The following CADM2 variants were observed in gnomAD, a reference collection of about 807,000 sequenced individuals.
CADM2 encodes the protein immunoglobulin superfamily member 4D.
CADM2 carries 12 observed loss-of-function variants against 49.8 expected under a neutral mutation model. The observed-to-expected ratio is 0.24, with a 90% CI of 0.15 to 0.39. The LOEUF (loss-of-function observed/expected upper bound fraction) is 0.39. CADM2 is among the 10% of genes least tolerant of loss of function. The pLI is 1.00. For synonymous variants in CADM2, 214 were observed against 175.4 expected (o/e 1.22, Z -1.74); for missense variants, 378 against 492.3 (o/e 0.77, Z 2.20).
At chr3:84,980,505 T>G (rs2032108013) in intron 1 of CADM2, among the ~76,000 whole-genome samples, 1 of 152,192 alleles carries the variant, frequency 6.6e-6, no homozygotes, top group African/African-American at 2.4e-5. Context: ...GGTGAGATTG[T>G]CTTCCAGTTT....
At chr3:85,774,830 T>C (rs916107047) in intron 2 of CADM2, among the ~76,000 whole-genome samples, 1 of 151,702 alleles carries the variant, frequency 6.6e-6, no homozygotes, top group Admixed American at 6.6e-5. Context: ...ACTCGGAAAG[T>C]AGCAGAGTGG....
chr3:85,986,443 T>C (rs1419077135), intron 8 of CADM2, among the ~76,000 whole-genome samples: 2 of 152,046 alleles, frequency 1.3e-5, no homozygotes, highest in African/African-American at 4.8e-5. Context: ...ATTATGAGTG[T>C]TTAGCTATTA....
At chr3:85,560,180 G>T (rs1461761976) in intron 1 of CADM2, among the ~76,000 whole-genome samples, 1 of 152,168 alleles carries the variant, frequency 6.6e-6, no homozygotes, top group Non-Finnish European at 1.5e-5. Context: ...TATGCCTGCG[G>T]TTGCTTTCAA....
intron 1 of CADM2, among the ~76,000 whole-genome samples, chr3:85,220,848 C>T (rs1445635778): frequency 1.3e-5 from 2 of 152,030 alleles, no homozygotes; most frequent in Non-Finnish European, 2.9e-5. Flanking sequence ...CACACATTTT[C>T]CTTTGGATAA....
At chr3:85,213,421 A>G (rs2041848535) in intron 1 of CADM2, among the ~76,000 whole-genome samples, 1 of 151,760 alleles carries the variant, frequency 6.6e-6, no homozygotes, top group Admixed American at 6.6e-5. Flanking sequence ...TAAGATTTCC[A>G]TTGAGAAGTC....
chr3:85,074,869 G>A (rs2036882846), intron 1 of CADM2, among the ~76,000 whole-genome samples: 1 of 151,260 alleles, frequency 6.6e-6, no homozygotes, highest in East Asian at 1.9e-4. Flanking sequence ...AATGGAATAA[G>A]TATCAACTTT....
intron 1 of CADM2, among the ~76,000 whole-genome samples, chr3:85,182,129 A>C (rs2040950920): frequency 6.6e-6 from 1 of 151,962 alleles, no homozygotes; most frequent in Admixed American, 6.6e-5. Context: ...GAAACACGAT[A>C]TATGCATAAC....
At chr3:85,064,012 T>C (rs2107453288) in intron 1 of CADM2, among the ~76,000 whole-genome samples, 1 of 152,212 alleles carries the variant, frequency 6.6e-6, no homozygotes, top group South Asian at 2.1e-4. Context: ...TCTCATGCTG[T>C]GTAGAGAAAT....
intron 1 of CADM2, among the ~76,000 whole-genome samples, chr3:85,195,542 GACACAC>G (rs71108270): frequency 2.2e-3 from 327 of 146,954 alleles, no homozygotes; most frequent in Middle Eastern, 3.5e-3. Flanking sequence ...AAACCAGCAA[GACACAC>G]ACACACACAC....
At chr3:85,702,732 A>G (rs952805442) in intron 1 of CADM2, among the ~76,000 whole-genome samples, 23 of 152,316 alleles carry the variant, frequency 1.5e-4, no homozygotes, top group Middle Eastern at 6.8e-3. Flanking sequence ...CGAAGAGGAA[A>G]AAAGATGCTT....
intron 1 of CADM2, among the ~76,000 whole-genome samples, chr3:85,442,036 T>C (rs759878672): frequency 1.3e-5 from 2 of 152,080 alleles, no homozygotes; most frequent in African/African-American, 2.4e-5. Flanking sequence ...AAATATTAGC[T>C]TATGTATACA....
intron 1 of CADM2, among the ~76,000 whole-genome samples, chr3:85,308,436 A>T (rs1223995065): frequency 6.6e-6 from 1 of 151,910 alleles, no homozygotes; most frequent in Non-Finnish European, 1.5e-5. Flanking sequence ...ATAGGAATTT[A>T]TTCGAAATTT....
chr3:86,016,363 C>T (rs920397213), intron 8 of CADM2, among the ~76,000 whole-genome samples: 2 of 152,096 alleles, frequency 1.3e-5, no homozygotes, highest in African/African-American at 4.8e-5. Context: ...TTGTACCAAT[C>T]TATCTCTTAA....
intron 1 of CADM2, among the ~76,000 whole-genome samples, chr3:85,496,955 C>T (rs574275050): frequency 7.2e-5 from 11 of 152,230 alleles, no homozygotes; most frequent in Middle Eastern, 3.4e-3. Flanking sequence ...GGGATTCTCC[C>T]GCCTCAGCCT....
At chr3:86,024,552 C>T (rs1482637609) in intron 8 of CADM2, among the ~76,000 whole-genome samples, 1 of 152,098 alleles carries the variant, frequency 6.6e-6, no homozygotes, top group East Asian at 1.9e-4. Flanking sequence ...TAATTTGGAG[C>T]AATTATATAT....
At chr3:85,134,129 C>T (rs1175135015) in intron 1 of CADM2, among the ~76,000 whole-genome samples, 1 of 152,208 alleles carries the variant, frequency 6.6e-6, no homozygotes, top group Non-Finnish European at 1.5e-5. Flanking sequence ...TTGCCTGGGG[C>T]CCGCAGGGCC....
rs147392300 is a variant in CADM2, at chr3:85,924,233, A to G, written c.701-11534A>G. 1.9e-4 allele frequency among the ~76,000 whole-genome samples: 29 copies of G among 152,282 alleles called. 2 individuals carry two copies. The East Asian group carries it at 4.4e-3, about 23-fold the overall frequency. On this transcript the variant is annotated intron_variant, in intron 6 of 9. Coordinates refer to ENST00000383699, the MANE Select transcript of CADM2 (RefSeq NM_001167675.2). ...AGAACACAAATTATGAAATATCATT[A>G]CTTAAACATAGTTAGAACTGTTTCA...
At chr3:85,681,185 G>A (rs7615008) in intron 1 of CADM2, among the ~76,000 whole-genome samples, 5,539 of 152,066 alleles carry the variant, frequency 0.036, 316 homozygotes, top group African/African-American at 0.13. Flanking sequence ...TTCCCTGACT[G>A]GCCACTATTA....
chr3:85,286,999 A>T (rs550759518), intron 1 of CADM2, among the ~76,000 whole-genome samples: 1 of 152,322 alleles, frequency 6.6e-6, no homozygotes, highest in South Asian at 2.1e-4. Flanking sequence ...ATCACACAAA[A>T]TATATTGTTA....
Sources: gnomAD v4.1 joint callset for allele counts (sites outside exome capture counted in the v4.1 genomes callset) on GRCh38, gnomAD v4.1.1 for gene constraint, MANE v1.5 for transcripts, NCBI Gene and HGNC (gene_info 2026-07-23, HGNC 2026-07-21) for gene names.